Variants in MYO1F observed in about 807,000 individuals in gnomAD.
The protein encoded by MYO1F is myosin IF.
A neutral mutation model predicts 146.6 loss-of-function variants in MYO1F; 60 were observed. The ratio of observed to expected loss-of-function variants is 0.41; its 90% CI spans 0.33 to 0.51. The LOEUF is 0.51. MYO1F is among the 20% of genes least tolerant of loss of function. The pLI is 0.25. For missense variants in MYO1F, 1,274 were observed against 1,534.3 expected, an observed-to-expected ratio of 0.83 and a Z score of 2.83; for synonymous variants, 602 against 602.1, an observed-to-expected ratio of 1.00 and a Z score of 0.00.
At chr19:8,538,041 G>A (rs376580541) in intron 16 of MYO1F, among the ~76,000 whole-genome samples, 7 of 151,518 alleles carry the variant, frequency 4.6e-5, no homozygotes, top group East Asian at 1.9e-4. Flanking sequence ...GCATGATCTC[G>A]GCTCACTGCA....
At chr19:8,574,569 TTC>T (rs1339034761) in intron 1 of MYO1F, among the ~76,000 whole-genome samples, 1 of 86,830 alleles carries the variant, frequency 1.2e-5, no homozygotes, top group South Asian at 3.7e-4. Flanking sequence ...CTTTCTTTCT[TTC>T]TTTCTTTCTC....
chr19:8,563,511 CTTTCT>C (rs950434465), intron 1 of MYO1F, among the ~76,000 whole-genome samples: 3 of 87,892 alleles, frequency 3.4e-5, no homozygotes, highest in African/African-American at 5.1e-5. Context: ...TTCTTTCTTT[CTTTCT>C]TTTTTTTTTG....
intron 12 of MYO1F, among the ~76,000 whole-genome samples, chr19:8,546,820 A>G (rs1973378787): frequency 1.3e-5 from 2 of 152,094 alleles, no homozygotes. Flanking sequence ...CTGGGATTAC[A>G]GGTGCCCAGC....
intron 1 of MYO1F, among the ~76,000 whole-genome samples, chr19:8,566,605 C>A (rs2042009733): frequency 6.7e-6 from 1 of 149,164 alleles, no homozygotes; most frequent in Admixed American, 6.6e-5. Flanking sequence ...CCTCTGCCTC[C>A]CTGGCTCAAG....
chr19:8,577,190 A>C lies in MYO1F; in HGVS notation c.3+117T>G, dbSNP rs1555733997. The C allele has an allele frequency of 8.1e-7, 1 of 1,241,390 alleles. No individual in the cohort carries two copies. The highest frequency in any genetic ancestry group is 1.2e-6 in the Non-Finnish European group (1 of 864,756). 76.9% of individuals were successfully genotyped at this position (1,241,390 alleles called of 1,614,324 possible). A position where few individuals can be genotyped will look rare whatever the true frequency, so the allele number is the denominator to read the frequency against. On this transcript the variant is annotated intron_variant, in intron 1 of 27. Coordinates refer to ENST00000644032, the MANE Select transcript of MYO1F (RefSeq NM_012335.4). The surrounding 1 kb of genome is among the most constrained non-coding windows in gnomAD (Gnocchi z 4.3). Reference sequence around the variant, plus strand: ...GCACTGAGAGACACCCCACCCCCACAGAAGTCCACCATGCCCCTCCCCTCA... The same window carrying C: ...GCACTGAGAGACACCCCACCCCCACCGAAGTCCACCATGCCCCTCCCCTCA...
Position 8,530,660 on chromosome 19 carries a change from C to T in MYO1F, c.2044-87G>A. ...GGGTTTTCCCTGCGCTCACCCTACTCACACGCTTTTGCTCACCCATCCCCA... is the reference window on the plus strand; with the variant it reads ...GGGTTTTCCCTGCGCTCACCCTACTTACACGCTTTTGCTCACCCATCCCCA... On this transcript the variant is annotated intron_variant, in intron 19 of 27. Coordinates refer to ENST00000644032, the MANE Select transcript of MYO1F (RefSeq NM_012335.4). The surrounding 1 kb of genome is among the most constrained non-coding windows in gnomAD (Gnocchi z 5.8). 9.2e-7 allele frequency: 1 copy of T among 1,086,042 alleles called. No individual in the cohort carries two copies. The highest frequency in any genetic ancestry group is 1.5e-5 in the African/African-American group (1 of 65,112). The allele number at this position is 1,086,042 out of a possible 1,614,324, so 67.3% of individuals were successfully genotyped here.
intron 1 of MYO1F, among the ~76,000 whole-genome samples, chr19:8,573,620 C>T (rs1270371344): frequency 3.3e-5 from 5 of 152,218 alleles, no homozygotes; most frequent in East Asian, 3.9e-4. Context: ...GAGGCCAAAG[C>T]GGGTGGATCA....
chr19:8,555,874 G>T, intron 1 of MYO1F, 78 bp from the exon 2 acceptor site: 1 of 1,441,406 alleles, frequency 6.9e-7, no homozygotes, highest in South Asian at 1.3e-5. Context: ...ATCAGCTTCT[G>T]GGTTCTGTCC....
chr19:8,527,594 A>G (rs1972322317), intron 21 of MYO1F, 111 bp from the exon 22 acceptor site: 2 of 1,368,968 alleles, frequency 1.5e-6, no homozygotes, highest in Non-Finnish European at 1.0e-6. Context: ...GGAAGGTGGG[A>G]GCCCTCCAGG....
intron 19 of MYO1F, among the ~76,000 whole-genome samples, chr19:8,535,741 G>A (rs1034994656): frequency 1.7e-4 from 25 of 151,032 alleles, no homozygotes; most frequent in African/African-American, 5.9e-4. Context: ...GTGCAGTGGC[G>A]TGATCTCGGC....
At chr19:8,534,725 G>C (rs1396230335) in intron 19 of MYO1F, among the ~76,000 whole-genome samples, 2 of 148,922 alleles carry the variant, frequency 1.3e-5, no homozygotes, top group Admixed American at 1.3e-4. Context: ...TCCTGGGTTT[G>C]AGTGATTCTC....
chr19:8,541,425 G>GTT (rs4040643), intron 15 of MYO1F, among the ~76,000 whole-genome samples: 89 of 87,906 alleles, frequency 1.0e-3, no homozygotes, highest in Non-Finnish European at 1.2e-3. Context: ...GTGTGTGTGT[G>GTT]TTTTTTTTTT....
chr19:8,538,828 A>G (rs79873183), intron 16 of MYO1F, among the ~76,000 whole-genome samples: 7,342 of 152,086 alleles, frequency 0.048, 462 homozygotes, highest in African/African-American at 0.14. Context: ...CATTCATAGC[A>G]ACAGAATGGT....
intron 21 of MYO1F, among the ~76,000 whole-genome samples, chr19:8,528,257 G>A (rs564675415): frequency 2.0e-5 from 3 of 148,368 alleles, no homozygotes; most frequent in South Asian, 2.2e-4. Flanking sequence ...GATCAGGCGC[G>A]GTGGCACACG....
rs770889579 is a variant in MYO1F, at chr19:8,548,115, C to A, written c.1190G>T (p.Gly397Val). The change falls in exon 12 of 28, where the codon GGC becomes GTC. Residue 397 changes from glycine to valine, a missense_variant. Transcript: ENST00000644032. The stretch of plus-strand genomic sequence containing the variant: ...GAAGTTGATGCAAAACTGCTCGAAG[C>A]CATTTTTCTGCAGAAGGAGGAAAAG... ...IYGFEIFQKN[G>V]FEQFCINFVN... The A allele has an allele frequency of 1.1e-5, 17 of 1,613,878 alleles. No homozygotes were observed. The highest frequency in any genetic ancestry group is 1.4e-5 in the Non-Finnish European group (17 of 1,179,978).
At chr19:8,550,017 C>T in intron 10 of MYO1F, 143 bp downstream of exon 10, 1 of 942,502 alleles carries the variant, frequency 1.1e-6, no homozygotes, top group Non-Finnish European at 1.6e-6. Context: ...CCAGGCTGGT[C>T]TTGAACTTCT....
chr19:8,543,726 CTGGTGGTGCTGGTGGTGCTGG>C lies in MYO1F; in HGVS notation c.1524+550_1524+570del, dbSNP rs1568348642. Among the ~76,000 whole-genome samples the C allele has an allele frequency of 6.7e-3, 83 of 12,436 alleles. 10 individuals are homozygous for C. Among genetic ancestry groups the C allele is most frequent in the Admixed American group, 8.3e-3 (10 of 1,202 alleles). 8.2% of individuals were successfully genotyped at this position (12,436 alleles called of 152,430 possible). On this transcript the variant is annotated intron_variant, in intron 14 of 27. Coordinates refer to ENST00000644032, the MANE Select transcript of MYO1F (RefSeq NM_012335.4). Reference sequence around the variant, plus strand: ...GGTGGTGCTGGTGGTGGTGGTGGTGCTGGTGGTGCTGGTGGTGCTGGTGGTGGTGGTGGTGGTGGTGCTGGT... The same window carrying C: ...GGTGGTGCTGGTGGTGGTGGTGGTGCTGGTGGTGGTGGTGGTGGTGCTGGT...
chr19:8,550,392 T>C (rs1214565422), intron 9 of MYO1F, 36 bp from the exon 10 acceptor site: 2 of 1,594,372 alleles, frequency 1.3e-6, no homozygotes, highest in East Asian at 4.6e-5. Context: ...AATGGGACAG[T>C]TGGTTGGGCT....
At chr19:8,547,989 C>A in intron 12 of MYO1F, 47 bp downstream of exon 12, 1 of 1,104,304 alleles carries the variant, frequency 9.1e-7, no homozygotes. Flanking sequence ...TCCTTCCACC[C>A]CACCCCCACC....
Sources: allele counts gnomAD v4.1 joint callset (sites outside exome capture counted in the v4.1 genomes callset), GRCh38; gene constraint gnomAD v4.1.1; non-coding constraint Gnocchi (gnomAD v3.1); transcripts MANE v1.5; gene names NCBI Gene and HGNC (gene_info 2026-07-23, HGNC 2026-07-21).